ZNF25: variants seen among roughly 807,000 people sequenced by gnomAD.
The protein encoded by ZNF25 is zinc finger protein 25 (KOX 19).
Under a neutral mutation model 30.9 loss-of-function variants are expected in ZNF25, and 21 were observed. That is an observed-to-expected ratio of 0.68 (90% confidence interval 0.48 to 0.98). The LOEUF (loss-of-function observed/expected upper bound fraction) is 0.98, where lower values mean the gene tolerates loss of function less well. Ranked by LOEUF, ZNF25 falls within the 50% of genes least tolerant of loss-of-function variation. The pLI is 0.00. For missense variants in ZNF25, 501 were observed against 529.9 expected (o/e 0.95, Z 0.54); for synonymous variants, 169 against 181.3 (o/e 0.93, Z 0.55).
chr10:37,952,264 G>C lies in ZNF25; in HGVS notation c.1234C>G (p.His412Asp). The change falls in exon 6 of 6, where the codon CAT (histidine) becomes GAT (aspartate). Residue 412 changes from histidine (H) to aspartate (D), a missense_variant. Transcript: ENST00000302609. ...ECGKSFSQKS[H>D]FIIHQRKHTG... ...TGTTTTCTCTGATGTATAATAAAAT[G>C]TGACTTCTGAGAAAAGGACTTCCCA... The C allele has an allele frequency of 6.2e-7, 1 of 1,608,776 alleles. No homozygotes were observed. Among genetic ancestry groups the C allele is most frequent in the South Asian group, 1.1e-5 (1 of 90,624 alleles).
At chr10:37,960,594 T>C (rs1017055366) in intron 2 of ZNF25, among the ~76,000 whole-genome samples, 6 of 119,434 alleles carry the variant, frequency 5.0e-5, no homozygotes, top group Non-Finnish European at 8.0e-5. Flanking sequence ...ACTGCACTCC[T>C]GCCTGGGTGA....
chr10:37,974,942 G>T (rs11595912), intron 1 of ZNF25, among the ~76,000 whole-genome samples: 9,099 of 152,154 alleles, frequency 0.06, 348 homozygotes, highest in Middle Eastern at 0.095. Context: ...ATAAAAAGAA[G>T]GAAATTTTGT....
rs1385367523 is a variant in ZNF25 at position 37,960,637 on chromosome 10, A to AAC, written c.16-3092_16-3091insGT. Among the ~76,000 whole-genome samples, 18 of 149,826 alleles carry AAC rather than the reference A, an allele frequency of 1.2e-4. 1 individual carries two copies. Among genetic ancestry groups the AAC allele is most frequent in the Non-Finnish European group, 1.9e-4 (13 of 67,274 alleles). ...AGACTCCATCTCAAAAAAAAAAAAA[A>AAC]AAAAAAACAAAGAAGCTGTGGGAAC... On this transcript the variant is annotated intron_variant, in intron 2 of 5. Transcript: ENST00000302609.
At chr10:37,970,295 CTGGCAATGCAAGG>C (rs1296192901) in intron 2 of ZNF25, among the ~76,000 whole-genome samples, 7 of 152,278 alleles carry the variant, frequency 4.6e-5, no homozygotes. Flanking sequence ...CCAATTTACC[CTGGCAATGCAAGG>C]TTGATTCCAC....
chr10:37,957,221 G>C (rs1293168961), intron 3 of ZNF25, 106 bp from the exon 4 acceptor site: 2 of 1,336,540 alleles, frequency 1.5e-6, no homozygotes, highest in Non-Finnish European at 2.1e-6. Context: ...TTCCAGTTAG[G>C]CTTGGCAAAT....
At chr10:37,953,971 C>CT (rs2062351310) in intron 4 of ZNF25, among the ~76,000 whole-genome samples, 1 of 152,154 alleles carries the variant, frequency 6.6e-6, no homozygotes, top group African/African-American at 2.4e-5. Flanking sequence ...CCCATGTACT[C>CT]TGACATTTTT....
chr10:37,963,013 C>T (rs1048166374), intron 2 of ZNF25, among the ~76,000 whole-genome samples: 4 of 151,644 alleles, frequency 2.6e-5, no homozygotes, highest in African/African-American at 9.7e-5. Context: ...ACCATTAAAG[C>T]TGACAAAAAC....
intron 2 of ZNF25, among the ~76,000 whole-genome samples, chr10:37,958,829 C>A (rs1367058904): frequency 6.6e-6 from 1 of 152,046 alleles, no homozygotes; most frequent in East Asian, 1.9e-4. Context: ...AGGTGGATAA[C>A]CTGAAGGCAG....
chr10:37,953,387 G>T, intron 5 of ZNF25, 192 bp from the exon 6 acceptor site: 1 of 627,012 alleles, frequency 1.6e-6, no homozygotes, highest in East Asian at 2.8e-5. Context: ...ATTTGGTAAG[G>T]TGAATCTGCA....
chr10:37,974,156 C>T (rs894619362), intron 1 of ZNF25, among the ~76,000 whole-genome samples: 1 of 152,126 alleles, frequency 6.6e-6, no homozygotes, highest in Non-Finnish European at 1.5e-5. Context: ...AAATGTATGA[C>T]CTGAAACTAT....
intron 1 of ZNF25, 62 bp from the exon 2 acceptor site, chr10:37,971,869 G>T: frequency 2.7e-6 from 3 of 1,108,756 alleles, no homozygotes; most frequent in South Asian, 1.4e-5. Flanking sequence ...ATGTCCCTTT[G>T]ACCCATTAGA....
chr10:37,963,958 G>A (rs1162673791), intron 2 of ZNF25, among the ~76,000 whole-genome samples: 1 of 152,174 alleles, frequency 6.6e-6, no homozygotes, highest in African/African-American at 2.4e-5. Context: ...CTGGGTAACA[G>A]AGTGAGACTC....
rs1445774702 is a variant in ZNF25, at chr10:37,950,627, A to G, written c.*1500T>C. 1 of 152,186 alleles carries G rather than the reference A, an allele frequency of 6.6e-6. No individual in the cohort carries two copies. The highest frequency in any genetic ancestry group is 2.1e-4 in the South Asian group (1 of 4,822). 9.4% of individuals were successfully genotyped at this position (152,186 alleles called of 1,614,324 possible). A position where few individuals can be genotyped will look rare whatever the true frequency, so the allele number is the denominator to read the frequency against. On this transcript the variant is annotated 3_prime_UTR_variant, in exon 6 of 6. Transcript: ENST00000302609. The stretch of plus-strand genomic sequence containing the variant: ...AAATAATGATGATAACCTCTAACAT[A>G]TAGCTCTTGTGTCTCAGACACTATT...
At chr10:37,966,808 T>C (rs973162087) in intron 2 of ZNF25, among the ~76,000 whole-genome samples, 1 of 152,098 alleles carries the variant, frequency 6.6e-6, no homozygotes, top group African/African-American at 2.4e-5. Context: ...ATATATAAAG[T>C]ATGTTGAAGA....
At chr10:37,956,914 T>TTA in intron 4 of ZNF25, 106 bp downstream of exon 4, 1 of 549,698 alleles carries the variant, frequency 1.8e-6, no homozygotes, top group Non-Finnish European at 2.8e-6. Flanking sequence ...AAACTCTGTT[T>TTA]CAAAAAAAAA....
intron 2 of ZNF25, among the ~76,000 whole-genome samples, chr10:37,961,922 C>CAAAAA (rs71533129): frequency 2.0e-4 from 8 of 39,042 alleles, no homozygotes; most frequent in Non-Finnish European, 3.4e-4. Context: ...AACTCCATCT[C>CAAAAA]AAAAAAAAAA....
At chr10:37,963,897 C>T (rs2063032587) in intron 2 of ZNF25, among the ~76,000 whole-genome samples, 1 of 152,162 alleles carries the variant, frequency 6.6e-6, no homozygotes, top group Admixed American at 6.5e-5. Context: ...ATCGCTTCAA[C>T]CTGGGAGGCA....
chr10:37,953,952 A>G (rs1444051283), intron 4 of ZNF25, among the ~76,000 whole-genome samples, 194 bp from the exon 5 acceptor site: 1 of 152,214 alleles, frequency 6.6e-6, no homozygotes, highest in Non-Finnish European at 1.5e-5. Flanking sequence ...GGAGGATTCT[A>G]CTTGTAGACC....
At chr10:37,954,718 G>A (rs1250623660) in intron 4 of ZNF25, among the ~76,000 whole-genome samples, 2 of 152,104 alleles carry the variant, frequency 1.3e-5, no homozygotes, top group African/African-American at 4.8e-5. Flanking sequence ...TCATATTTAT[G>A]CATCTTTAAA....
Sources: allele counts gnomAD v4.1 joint callset (sites outside exome capture counted in the v4.1 genomes callset), GRCh38; gene constraint gnomAD v4.1.1; transcripts MANE v1.5; gene names NCBI Gene and HGNC (gene_info 2026-07-23, HGNC 2026-07-21).